Variants in VAV2 observed in about 807,000 individuals in gnomAD.
VAV2 encodes the protein vav guanine nucleotide exchange factor 2, also known as guanine nucleotide exchange factor VAV2.
VAV2 carries 67 observed loss-of-function variants against 132.5 expected under a neutral mutation model. The ratio of observed to expected loss-of-function variants is 0.51; its 90% CI spans 0.42 to 0.62. The LOEUF (loss-of-function observed/expected upper bound fraction) is 0.62. Among genes scored for constraint, VAV2 ranks in the 20% least tolerant of loss-of-function variants. The pLI is 0.00. For missense variants in VAV2, 938 were observed against 1,153.6 expected, an observed-to-expected ratio of 0.81 and a Z score of 2.71; for synonymous variants, 492 against 443.5, an observed-to-expected ratio of 1.11 and a Z score of -1.37.
chr9:133,987,412 C>G (rs1842889833), intron 1 of VAV2, among the ~76,000 whole-genome samples: 1 of 152,218 alleles, frequency 6.6e-6, no homozygotes, highest in East Asian at 1.9e-4. Context: ...CCAGCTCCTA[C>G]AGGAAGAACC....
chr9:133,849,654 C>T (rs1837089374), intron 3 of VAV2, among the ~76,000 whole-genome samples: 1 of 152,216 alleles, frequency 6.6e-6, no homozygotes, highest in African/African-American at 2.4e-5. Context: ...GATCCAGGTG[C>T]TGCAGAGCTG....
At position 133,991,633 on chromosome 9, in the gene VAV2, C is replaced by G. The variant is rs1285633410; in HGVS notation, c.204+442G>C. 6.6e-6 allele frequency among the ~76,000 whole-genome samples: 1 copy of G among 151,454 alleles called. No individual in the cohort carries two copies. The highest frequency in any genetic ancestry group is 1.5e-5 in the Non-Finnish European group (1 of 67,820). ...CGGGCCCTCCAGCCGCGCCCCGGGC[C>G]GGCGCAGCGACCGCGCCCGCTCTTC... On this transcript the variant is annotated intron_variant, in intron 1 of 29. Transcript: ENST00000371850. This position sits in a 1 kb window ranked among gnomAD's most constrained non-coding sequence, Gnocchi z 4.8.
At chr9:133,771,068 T>TAC (rs1564328779) in intron 26 of VAV2, among the ~76,000 whole-genome samples, 7 of 148,174 alleles carry the variant, frequency 4.7e-5, no homozygotes, top group Non-Finnish European at 7.5e-5. Context: ...TTTTCTTTTT[T>TAC]TTTTTTTTTT....
At position 133,969,254 on chromosome 9, in the gene VAV2, G is replaced by A. The variant is rs1017972744; in HGVS notation, c.204+22821C>T. Among the ~76,000 whole-genome samples, 3 of 151,582 alleles carry A rather than the reference G, an allele frequency of 2.0e-5. No homozygotes were observed. The highest frequency in any genetic ancestry group is 1.3e-4 in the Admixed American group (2 of 15,238). Reference sequence around the variant, plus strand: ...GCTTCCCTCCTGCCGGATGAACTGCGGCTTCTCACGGCTGCGCTGCTGGCA... The same window carrying A: ...GCTTCCCTCCTGCCGGATGAACTGCAGCTTCTCACGGCTGCGCTGCTGGCA... On this transcript the variant is annotated intron_variant, in intron 1 of 29. Coordinates refer to ENST00000371850, the MANE Select transcript of VAV2 (RefSeq NM_001134398.2). This position sits in a 1 kb window ranked among gnomAD's most constrained non-coding sequence, Gnocchi z 5.1.
In VAV2 at chr9:133,812,070, G is replaced by C. The variant is rs373504001; in HGVS notation, c.552+44C>G. 3 of 1,589,492 alleles carry C rather than the reference G, an allele frequency of 1.9e-6. No homozygotes were observed. The Admixed American group carries it at 5.0e-5, about 27-fold the overall frequency. ...TTAAGCAAGGGCCAGGCTGCTCTGC[G>C]AGGGAAGGGAGGGGAAGGGAGGGAG... On this transcript the variant is annotated intron_variant, in intron 5 of 29. Coordinates refer to ENST00000371850, the MANE Select transcript of VAV2 (RefSeq NM_001134398.2).
chr9:133,897,991 A>T (rs1839279862), intron 2 of VAV2, among the ~76,000 whole-genome samples: 1 of 152,194 alleles, frequency 6.6e-6, no homozygotes, highest in South Asian at 2.1e-4. Context: ...TGGTGGTTGG[A>T]AGGGGCCCAG....
At chr9:133,921,210 G>C (rs1840285448) in intron 2 of VAV2, among the ~76,000 whole-genome samples, 1 of 152,212 alleles carries the variant, frequency 6.6e-6, no homozygotes, top group Admixed American at 6.5e-5. Context: ...CCAGATGACA[G>C]CTCTGTGCGT....
intron 9 of VAV2, among the ~76,000 whole-genome samples, chr9:133,800,606 T>C (rs1834892791): frequency 6.6e-6 from 1 of 152,146 alleles, no homozygotes; most frequent in Admixed American, 6.5e-5. Context: ...AGGCAAGTCT[T>C]CATGTAGGTG....
chr9:133,962,507 C>A (rs1841998031), intron 1 of VAV2, among the ~76,000 whole-genome samples: 1 of 152,036 alleles, frequency 6.6e-6, no homozygotes, highest in Admixed American at 6.5e-5. Flanking sequence ...CTGCTCATCC[C>A]CCAGCCCAGG....
chr9:133,825,052 C>T lies in VAV2; in HGVS notation c.449+9220G>A, dbSNP rs147186843. Among the ~76,000 whole-genome samples, 507 of 152,340 alleles carry T rather than the reference C, an allele frequency of 3.3e-3. 3 individuals carry two copies. Among genetic ancestry groups the T allele is most frequent in the African/African-American group, 0.011 (478 of 41,588 alleles). The stretch of plus-strand genomic sequence containing the variant: ...TGGCAGCATTTGAGGGAGCCACATG[C>T]GGCCAAGGAGAAGCCCAGGTGGGGC... On this transcript the variant is annotated intron_variant, in intron 4 of 29. Coordinates refer to ENST00000371850, the MANE Select transcript of VAV2 (RefSeq NM_001134398.2).
chr9:133,842,997 C>G (rs138861177), intron 3 of VAV2, among the ~76,000 whole-genome samples: 1 of 152,204 alleles, frequency 6.6e-6, no homozygotes, highest in Non-Finnish European at 1.5e-5. Flanking sequence ...ACCAGGGCTT[C>G]GCTTATTAGA....
intron 4 of VAV2, among the ~76,000 whole-genome samples, chr9:133,815,449 C>T (rs938821090): frequency 9.9e-5 from 15 of 152,146 alleles, no homozygotes; most frequent in Admixed American, 3.9e-4. Context: ...AGCTCCTGCC[C>T]TTCCCCATCA....
chr9:133,854,862 A>G (rs1271334345), intron 3 of VAV2, among the ~76,000 whole-genome samples: 1 of 152,226 alleles, frequency 6.6e-6, no homozygotes. Context: ...GTCCCCTCAC[A>G]GCAGACCCAC....
In VAV2 at chr9:133,806,126, A is replaced by C. The variant is rs1385733713; in HGVS notation, c.791T>G (p.Val264Gly). The C allele has an allele frequency of 1.2e-6, 2 of 1,612,916 alleles. No homozygotes were observed. Among genetic ancestry groups the C allele is most frequent in the African/African-American group, 1.3e-5 (1 of 75,006 alleles). ...FLRAIDVSVM[V>G]GGSTLAKVFL... The stretch of plus-strand genomic sequence containing the variant: ...GACCTTGGCCAGCGTGCTGCCCCCC[A>C]CCATCACGGACACGTCGATGGCCCT... Residue 264 changes from valine (V) to glycine (G), a missense_variant, in exon 9 of 30, where the codon GTG becomes GGG. Physicochemically the swap from Val to Gly is moderately radical, Grantham distance 109. Transcript: ENST00000371850.
At chr9:133,828,735 C>A (rs1373959274) in intron 4 of VAV2, among the ~76,000 whole-genome samples, 1 of 152,238 alleles carries the variant, frequency 6.6e-6, no homozygotes, top group East Asian at 1.9e-4. Context: ...GTTACAAACA[C>A]CAAGCCTTGT....
intron 9 of VAV2, among the ~76,000 whole-genome samples, chr9:133,805,398 C>T (rs2059587170): frequency 6.6e-6 from 1 of 152,198 alleles, no homozygotes; most frequent in African/African-American, 2.4e-5. Flanking sequence ...GGACAGAGAG[C>T]TTGGCACCGT....
In VAV2 at chr9:133,991,669, C is replaced by T. The variant is rs1476510276; in HGVS notation, c.204+406G>A. Among the ~76,000 whole-genome samples the T allele has an allele frequency of 1.3e-5, 2 of 151,332 alleles. No homozygotes were observed. Among genetic ancestry groups the T allele is most frequent in the African/African-American group, 4.8e-5 (2 of 41,324 alleles). On this transcript the variant is annotated intron_variant, in intron 1 of 29. Transcript: ENST00000371850. This position sits in a 1 kb window ranked among gnomAD's most constrained non-coding sequence, Gnocchi z 4.8. ...CCGCGCCCGCTCTTCCACCGGCGTC[C>T]GGCCAGGAGGCGCGAGGCCCAAGGA...
rs193086065 is a variant in VAV2 at position 133,983,042 on chromosome 9, G to C, written c.204+9033C>G. On this transcript the variant is annotated intron_variant, in intron 1 of 29. Transcript: ENST00000371850. ...CTCTAGGAGAGAGACGGCAGTGGCC[G>C]GGCTGGGACACCGGCAGAGAAGGAA... 3.3e-5 allele frequency among the ~76,000 whole-genome samples: 5 copies of C among 152,296 alleles called. No individual in the cohort carries two copies. The South Asian group carries it at 1.0e-3, about 32-fold the overall frequency.
chr9:133,783,879 T>TTTTTTTTG (rs1834112414), intron 18 of VAV2, among the ~76,000 whole-genome samples: 1 of 27,906 alleles, frequency 3.6e-5, no homozygotes, highest in Non-Finnish European at 9.4e-5. Flanking sequence ...GCTGGGCCGT[T>TTTTTTTTG]TTTTTTTTTT....
Sources: allele counts gnomAD v4.1 joint callset (sites outside exome capture counted in the v4.1 genomes callset), GRCh38; gene constraint gnomAD v4.1.1; non-coding constraint Gnocchi (gnomAD v3.1); transcripts MANE v1.5; gene names NCBI Gene and HGNC (gene_info 2026-07-23, HGNC 2026-07-21).